Variants in ATP7B observed in about 807,000 individuals in gnomAD.
ATP7B encodes ATPase copper transporting beta, also known as copper-transporting ATPase 2.
In ATP7B, 113 loss-of-function variants were observed where a neutral mutation model predicts 118.9. That is an observed-to-expected ratio of 0.95 (90% CI 0.82 to 1.11). The LOEUF is 1.11. ATP7B is among the 50% of genes most tolerant of loss of function. The probability of loss-of-function intolerance (pLI) is 0.00; values close to 1 mark genes in which losing one functional copy is unlikely to be tolerated. For synonymous variants in ATP7B, 777 were observed against 727.4 expected, an observed-to-expected ratio of 1.07 and a Z score of -1.10; for missense variants, 1,867 against 1,871.4, an observed-to-expected ratio of 1.00 and a Z score of 0.04.
intron 9 of ATP7B, among the ~76,000 whole-genome samples, chr13:51,957,190 G>A (rs1958404479): frequency 6.6e-6 from 1 of 152,116 alleles, no homozygotes; most frequent in Admixed American, 6.5e-5. Context: ...GTCTGAATGT[G>A]TATCTTACTA....
chr13:51,985,553 T>C (rs1181012199), intron 1 of ATP7B, among the ~76,000 whole-genome samples: 2 of 152,320 alleles, frequency 1.3e-5, no homozygotes, highest in East Asian at 3.9e-4. Flanking sequence ...AAATCAGCTC[T>C]GGACCAAACA....
At position 52,001,052 on chromosome 13, in the gene ATP7B, A is replaced by G. The variant is rs563972411; in HGVS notation, c.51+10235T>C. ...ATAATTAAAATGAATTTAAAATTAA[A>G]AAGTAAAAAAGAATCATCTTCTTTC... On this transcript the variant is annotated intron_variant, in intron 1 of 20. Coordinates refer to ENST00000242839, the MANE Select transcript of ATP7B (RefSeq NM_000053.4). Among the ~76,000 whole-genome samples the G allele has an allele frequency of 1.8e-4, 27 of 152,272 alleles. 1 individual carries two copies. The South Asian group carries it at 4.6e-3, about 26-fold the overall frequency.
rs143925196 is a variant in ATP7B at position 51,960,075 on chromosome 13, G to C, written c.2121+73C>G. The stretch of plus-strand genomic sequence containing the variant: ...AACCAAGCTAAAGCACTATGTTTGC[G>C]CTTAGCGGGCAGAATATCTGAGGGC... On this transcript the variant is annotated intron_variant, in intron 7 of 20. Transcript: ENST00000242839. 3,844 of 1,546,728 alleles carry C rather than the reference G, an allele frequency of 2.5e-3. 40 individuals carry two copies. The highest frequency in any genetic ancestry group is 0.021 in the South Asian group (1,869 of 89,146).
chr13:51,993,267 G>A (rs1261296733), intron 1 of ATP7B, among the ~76,000 whole-genome samples: 1 of 150,898 alleles, frequency 6.6e-6, no homozygotes, highest in Non-Finnish European at 1.5e-5. Context: ...TATAATCAGA[G>A]CTTTAGAAAA....
At chr13:52,001,480 T>G (rs538430981) in intron 1 of ATP7B, among the ~76,000 whole-genome samples, 1 of 152,248 alleles carries the variant, frequency 6.6e-6, no homozygotes, top group African/African-American at 2.4e-5. Flanking sequence ...TGCTGTTCCT[T>G]AGGTAAGCAA....
intron 1 of ATP7B, among the ~76,000 whole-genome samples, chr13:52,006,954 G>A (rs765167416): frequency 6.6e-6 from 1 of 152,032 alleles, no homozygotes; most frequent in Non-Finnish European, 1.5e-5. Flanking sequence ...TCCAGCACAG[G>A]GGCTGACCTC....
intron 1 of ATP7B, among the ~76,000 whole-genome samples, chr13:52,010,260 T>A (rs1046515673): frequency 8.5e-5 from 13 of 152,300 alleles, no homozygotes; most frequent in Admixed American, 7.8e-4. Flanking sequence ...CATTTCTGTA[T>A]CACCGGAGCC....
chr13:51,998,370 C>T (rs1368226128), intron 1 of ATP7B, among the ~76,000 whole-genome samples: 1 of 152,138 alleles, frequency 6.6e-6, no homozygotes, highest in African/African-American at 2.4e-5. Flanking sequence ...TGGTGATGAA[C>T]AATATCAGAC....
chr13:51,935,678 C>T lies in ATP7B; in HGVS notation c.4039G>A (p.Gly1347Ser), dbSNP rs587783318. ...CCCATCCAGGGCTGCAGCACAATGC[C>T]GATGGGCATGAAGACACCTGGGGAA... ...PIAAGVFMPI[G>S]IVLQPWMGSA... The change falls in exon 20 of 21, where the codon GGC becomes AGC. Residue 1347 changes from glycine (G) to serine (S), a missense_variant. Physicochemically the swap from Gly to Ser is moderately conservative, Grantham distance 56. Transcript: ENST00000242839. 5.4e-5 allele frequency: 87 copies of T among 1,612,932 alleles called. 2 individuals carry two copies. In the South Asian group the frequency reaches 7.3e-4, roughly 13 times the overall value.
chr13:51,981,274 C>T (rs574277699), intron 1 of ATP7B, among the ~76,000 whole-genome samples: 2 of 152,278 alleles, frequency 1.3e-5, no homozygotes, highest in African/African-American at 4.8e-5. Flanking sequence ...TGAAAATAAA[C>T]AGCCATACCT....
chr13:51,949,582 C>T, intron 12 of ATP7B, 80 bp downstream of exon 12: 1 of 1,571,204 alleles, frequency 6.4e-7, no homozygotes, highest in Non-Finnish European at 8.7e-7. Context: ...CCCAGTGAAT[C>T]TAAGATATGA....
chr13:52,006,405 C>T (rs567881759), intron 1 of ATP7B, among the ~76,000 whole-genome samples: 4 of 152,328 alleles, frequency 2.6e-5, no homozygotes, highest in South Asian at 2.1e-4. Flanking sequence ...GCTGCTAAAA[C>T]GACCACTGGC....
In ATP7B at chr13:51,946,303, G is replaced by GGCTT; in HGVS notation, c.3037_3040dup (p.Pro1014GlnfsTer15). 1 of 1,595,404 alleles carries GGCTT rather than the reference G, an allele frequency of 6.3e-7. No homozygotes were observed. The highest frequency in any genetic ancestry group is 1.3e-5 in the African/African-American group (1 of 74,750). On this transcript the variant is annotated frameshift_variant, in exon 13 of 21. Coordinates refer to ENST00000242839, the MANE Select transcript of ATP7B (RefSeq NM_000053.4). LOFTEE classifies it high-confidence loss of function. ...GCTGACCTTGTGCGCCATCTCCAGGGGCTTGCCTCCCTTGATGAGGATGCC... is the reference window on the plus strand; with the variant it reads ...GCTGACCTTGTGCGCCATCTCCAGGGGCTTGCTTGCCTCCCTTGATGAGGATGCC...
In ATP7B at chr13:51,963,729, C is replaced by G. The variant is rs566881626; in HGVS notation, c.1869+1143G>C. Among the ~76,000 whole-genome samples the G allele has an allele frequency of 7.0e-5, 9 of 128,474 alleles. No individual in the cohort carries two copies. The East Asian group carries it at 2.0e-3, about 28-fold the overall frequency. 84.3% of individuals were successfully genotyped at this position (128,474 alleles called of 152,430 possible). On this transcript the variant is annotated intron_variant, in intron 5 of 20. Coordinates refer to ENST00000242839, the MANE Select transcript of ATP7B (RefSeq NM_000053.4). ...CCAGCCTGGGGGACAAGAGCGAGAC[C>G]ACGTCTCAAAAAAAAAAAAAAAAAA...
chr13:51,944,317 G>A (rs774572117), intron 13 of ATP7B, 26 bp from the exon 14 acceptor site: 1 of 1,613,100 alleles, frequency 6.2e-7, no homozygotes, highest in South Asian at 1.1e-5. Context: ...ACAACTCACT[G>A]ACCACAATAC....
At position 52,011,309 on chromosome 13, in the gene ATP7B, G is replaced by A; in HGVS notation, c.29C>T (p.Ala10Val). Residue 10 changes from alanine to valine, a missense_variant, in exon 1 of 21, where the codon GCC becomes GTC. By Grantham distance (64) the Ala-to-Val change is moderately conservative (BLOSUM62 0). Transcript: ENST00000242839. ...CACTTTCCGACTGGCCCCTTCTCTG[G>A]CTGTGATCTGTCTCTCCTGCTCAGG... MPEQERQIT[A>V]REGASRKILS... 1.9e-6 allele frequency: 3 copies of A among 1,614,218 alleles called. No individual in the cohort carries two copies. The highest frequency in any genetic ancestry group is 1.3e-5 in the African/African-American group (1 of 75,074).
In ATP7B at chr13:51,934,892, T is replaced by C; in HGVS notation, c.4262A>G (p.Gln1421Arg). 1 of 1,614,210 alleles carries C rather than the reference T, an allele frequency of 6.2e-7. No individual in the cohort carries two copies. Among genetic ancestry groups the C allele is most frequent in the Non-Finnish European group, 8.5e-7 (1 of 1,180,040 alleles). The stretch of plus-strand genomic sequence containing the variant: ...CGACACCTGGCTGACATAGCTGACC[T>C]GGTCCCATGGTGTGGCCCTGGGGGA... ...RDSPRATPWD[Q>R]VSYVSQVSLS... is the part of the protein sequence containing the mutation. The change falls in exon 21 of 21, where the codon CAG (glutamine) becomes CGG (arginine). Residue 1421 changes from glutamine (Q) to arginine (R), a missense_variant. Coordinates refer to ENST00000242839, the MANE Select transcript of ATP7B (RefSeq NM_000053.4).
intron 1 of ATP7B, among the ~76,000 whole-genome samples, chr13:51,990,349 A>T (rs1952848325): frequency 6.6e-6 from 1 of 152,168 alleles, no homozygotes; most frequent in Admixed American, 6.5e-5. Context: ...GAAAAACTGG[A>T]AACCATCTCA....
intron 2 of ATP7B, among the ~76,000 whole-genome samples, chr13:51,973,444 TG>T (rs1289982454): frequency 3.9e-5 from 6 of 152,202 alleles, no homozygotes; most frequent in African/African-American, 1.4e-4. Flanking sequence ...TCTACCCTCA[TG>T]AATGGAATCC....
Sources: allele counts gnomAD v4.1 joint callset (sites outside exome capture counted in the v4.1 genomes callset), GRCh38; gene constraint gnomAD v4.1.1; transcripts MANE v1.5; gene names NCBI Gene and HGNC (gene_info 2026-07-23, HGNC 2026-07-21).